The following DEFB131A variants were observed in gnomAD, a reference collection of about 807,000 sequenced individuals.
The protein encoded by DEFB131A is beta-defensin 131A.
A neutral mutation model predicts 2.4 loss-of-function variants in DEFB131A; 5 were observed. The ratio of observed to expected loss-of-function variants is 2.12; its 90% confidence interval spans 1.11 to 4.47. The LOEUF (loss-of-function observed/expected upper bound fraction) is 4.47, where lower values mean the gene tolerates loss of function less well. Ranked by LOEUF, DEFB131A falls within the 30% of genes most tolerant of loss-of-function variation. The pLI is 0.00. For missense variants in DEFB131A, 120 were observed against 79.9 expected (o/e 1.50, Z -1.91); for synonymous variants, 34 against 25.7 (o/e 1.32, Z -0.97).
intron 1 of DEFB131A, among the ~76,000 whole-genome samples, chr4:9,448,689 G>C (rs1485465640): frequency 6.6e-6 from 1 of 152,172 alleles, no homozygotes; most frequent in Non-Finnish European, 1.5e-5. Context: ...TTTGTCACCA[G>C]TAGTCCTACC....
intron 1 of DEFB131A, among the ~76,000 whole-genome samples, chr4:9,446,114 A>T (rs185079176): frequency 1.1e-4 from 16 of 152,162 alleles, no homozygotes; most frequent in African/African-American, 3.9e-4. Flanking sequence ...CAATAAAAAT[A>T]TAAAACACCA....
intron 1 of DEFB131A, 46 bp from the exon 2 acceptor site, chr4:9,450,314 A>G (rs1443087409): frequency 1.4e-6 from 2 of 1,433,108 alleles, no homozygotes; most frequent in East Asian, 2.5e-5. Context: ...TTAACAATAA[A>G]AAGTAAGTAA....
At chr4:9,444,908 C>CAAAAAAAAA (rs60893274) in intron 1 of DEFB131A, among the ~76,000 whole-genome samples, 1 of 136,688 alleles carries the variant, frequency 7.3e-6, no homozygotes. Context: ...CCCATCTCTC[C>CAAAAAAAAA]AAAAAAAAAA....
chr4:9,447,305 T>C (rs182316414), intron 1 of DEFB131A, among the ~76,000 whole-genome samples: 5 of 152,328 alleles, frequency 3.3e-5, no homozygotes, highest in African/African-American at 1.2e-4. Flanking sequence ...GGAATTTTTA[T>C]ATCCTCTTGC....
intron 1 of DEFB131A, among the ~76,000 whole-genome samples, chr4:9,446,137 G>A (rs1402976317): frequency 1.3e-5 from 2 of 152,036 alleles, no homozygotes; most frequent in African/African-American, 2.4e-5. Context: ...ATTCATGGAG[G>A]AAAAGTATAA....
chr4:9,450,319 A>T (rs1444959591), intron 1 of DEFB131A, 41 bp from the exon 2 acceptor site: 4 of 1,451,638 alleles, frequency 2.8e-6, no homozygotes, highest in Non-Finnish European at 9.1e-7. Flanking sequence ...AATAAAAAGT[A>T]AGTAATATTG....
intron 1 of DEFB131A, among the ~76,000 whole-genome samples, chr4:9,449,017 C>T (rs1361040851): frequency 6.6e-5 from 10 of 151,770 alleles, no homozygotes; most frequent in African/African-American, 1.9e-4. Flanking sequence ...AATCAACATA[C>T]GAATATCAGT....
intron 1 of DEFB131A, among the ~76,000 whole-genome samples, chr4:9,449,469 T>A (rs183560439): frequency 6.7e-6 from 1 of 149,806 alleles, no homozygotes; most frequent in East Asian, 2.0e-4. Flanking sequence ...CAATACTTCG[T>A]ACTGAGAAAA....
intron 1 of DEFB131A, among the ~76,000 whole-genome samples, chr4:9,446,019 C>A (rs1317350187): frequency 1.3e-5 from 2 of 151,996 alleles, no homozygotes; most frequent in Non-Finnish European, 2.9e-5. Flanking sequence ...ATTCAGTGGT[C>A]ATCAGTATAT....
Position 9,444,560 on chromosome 4 carries a change from A to C in DEFB131A, c.27A>C (p.Gly9=), listed in dbSNP as rs745737615. Residue 9 remains glycine, a synonymous_variant, in exon 1 of 2, where the codon GGA becomes GGC. Coordinates refer to ENST00000334879, the MANE Select transcript of DEFB131A (RefSeq NM_001040448.3). ...TGAGGGTCTTGTTTTTTGTCTTTGG[A>C]GTCCTTTCCTTGATGTTCACAGTTC... MRVLFFVF[G]VLSLMFTVPP... The C allele has an allele frequency of 6.2e-7, 1 of 1,611,220 alleles. No individual in the cohort carries two copies. Among genetic ancestry groups the C allele is most frequent in the African/African-American group, 1.3e-5 (1 of 74,794 alleles).
At chr4:9,449,649 C>A (rs1164854547) in intron 1 of DEFB131A, among the ~76,000 whole-genome samples, 1 of 151,940 alleles carries the variant, frequency 6.6e-6, no homozygotes, top group South Asian at 2.1e-4. Context: ...ATTATTTTAA[C>A]TTATAAATTG....
intron 1 of DEFB131A, among the ~76,000 whole-genome samples, chr4:9,449,081 A>G (rs930131966): frequency 6.6e-6 from 1 of 151,836 alleles, no homozygotes; most frequent in Non-Finnish European, 1.5e-5. Context: ...AGAAAATCCC[A>G]TTCATAATAG....
intron 1 of DEFB131A, among the ~76,000 whole-genome samples, chr4:9,446,053 C>T (rs1445653307): frequency 6.6e-6 from 1 of 152,026 alleles, no homozygotes; most frequent in African/African-American, 2.4e-5. Context: ...TCCACTGATA[C>T]TCACTAAATG....
chr4:9,448,988 G>A (rs1360655201), intron 1 of DEFB131A, among the ~76,000 whole-genome samples: 1 of 151,926 alleles, frequency 6.6e-6, no homozygotes, highest in Non-Finnish European at 1.5e-5. Flanking sequence ...AACAAATTCA[G>A]TAAAGTTGCA....
At chr4:9,445,082 A>T (rs1484271005) in intron 1 of DEFB131A, among the ~76,000 whole-genome samples, 1 of 152,124 alleles carries the variant, frequency 6.6e-6, no homozygotes, top group African/African-American at 2.4e-5. Flanking sequence ...CCTGTCTCAA[A>T]AAATAATAAT....
chr4:9,446,735 C>A (rs1220499041), intron 1 of DEFB131A, among the ~76,000 whole-genome samples: 2 of 152,008 alleles, frequency 1.3e-5, no homozygotes, highest in African/African-American at 4.8e-5. Context: ...CTATAAAATT[C>A]TCTCTTAGCA....
chr4:9,445,243 T>C (rs1717466252), intron 1 of DEFB131A, among the ~76,000 whole-genome samples: 1 of 152,110 alleles, frequency 6.6e-6, no homozygotes, highest in Non-Finnish European at 1.5e-5. Flanking sequence ...TACTCCACCA[T>C]AATCCTTGGT....
At chr4:9,448,740 T>A (rs896878849) in intron 1 of DEFB131A, among the ~76,000 whole-genome samples, 1 of 152,178 alleles carries the variant, frequency 6.6e-6, no homozygotes, top group African/African-American at 2.4e-5. Flanking sequence ...TCATACTCAA[T>A]GGTGAAAAAC....
Position 9,450,424 on chromosome 4 carries a change from T to A in DEFB131A, c.123T>A (p.Asn41Lys). ...SEYYHCRLKC[N>K]ADEHAIRYCA... ...ATTATCATTGCAGACTGAAGTGCAA[T>A]GCTGATGAACATGCAATTAGATACT... The change falls in exon 2 of 2, where the codon AAT becomes AAA. Residue 41 changes from asparagine (N) to lysine (K), a missense_variant. By Grantham distance (94) the Asn-to-Lys change is moderately conservative. Transcript: ENST00000334879. 6.2e-7 allele frequency: 1 copy of A among 1,609,714 alleles called. No individual in the cohort carries two copies. The highest frequency in any genetic ancestry group is 8.5e-7 in the Non-Finnish European group (1 of 1,178,380).
Sources: gnomAD v4.1 joint callset for allele counts (sites outside exome capture counted in the v4.1 genomes callset) on GRCh38, gnomAD v4.1.1 for gene constraint, MANE v1.5 for transcripts, NCBI Gene and HGNC (gene_info 2026-07-23, HGNC 2026-07-21) for gene names.